Variants in TMEM71 observed in about 807,000 individuals in gnomAD.
TMEM71 encodes transmembrane protein 71.
Under a neutral mutation model 38.0 loss-of-function variants are expected in TMEM71, and 44 were observed. That is an observed-to-expected ratio of 1.16 (90% CI 0.91 to 1.49). TMEM71 has a LOEUF of 1.49. TMEM71 is among the 40% of genes most tolerant of loss of function. The probability of loss-of-function intolerance (pLI) is 0.00; values close to 1 mark genes in which losing one functional copy is unlikely to be tolerated. For missense variants in TMEM71, 367 were observed against 348.6 expected, an observed-to-expected ratio of 1.05 and a Z score of -0.42; for synonymous variants, 133 against 122.5, an observed-to-expected ratio of 1.09 and a Z score of -0.56.
At chr8:132,771,646 CTTTAT>C in the TMEM71 span, among the ~76,000 whole-genome samples, 2 of 151,598 alleles carry the variant, frequency 1.3e-5, no homozygotes, top group East Asian at 1.9e-4. Flanking sequence ...CATCATATTT[CTTTAT>C]TTTATTTGTA....
chr8:132,711,834 T>C (rs953469903), intron 9 of TMEM71, among the ~76,000 whole-genome samples: 1 of 152,098 alleles, frequency 6.6e-6, no homozygotes, highest in African/African-American at 2.4e-5. Context: ...AGGATGGGTG[T>C]GTGTGTTGGG....
chr8:132,760,415 T>C (rs1829264262), intron 1 of TMEM71, 61 bp downstream of exon 1: 1 of 152,236 alleles, frequency 6.6e-6, no homozygotes, highest in Admixed American at 6.5e-5. Context: ...GTTCCTCGGC[T>C]GAAAAATGTC....
At chr8:132,768,634 T>C in the TMEM71 span, among the ~76,000 whole-genome samples, 3 of 152,174 alleles carry the variant, frequency 2.0e-5, no homozygotes. Context: ...CTGGTGAAAC[T>C]GGCTCTGTTG....
In TMEM71 at chr8:132,711,158, C is replaced by T. The variant is rs79735675; in HGVS notation, c.873-176G>A. 1.6e-3 allele frequency among the ~76,000 whole-genome samples: 238 copies of T among 152,228 alleles called. 5 individuals are homozygous for T. The highest frequency in any genetic ancestry group is 0.015 in the East Asian group (76 of 5,168). ...TGCAGCCTCAACTAAGGGTACTTTTCGTTTTTGCTTTTATCCCAGCAGTTC... is the reference window on the plus strand; with the variant it reads ...TGCAGCCTCAACTAAGGGTACTTTTTGTTTTTGCTTTTATCCCAGCAGTTC... On this transcript the variant is annotated intron_variant, in intron 9 of 9. Coordinates refer to ENST00000677595, the MANE Select transcript of TMEM71 (RefSeq NM_001382403.1).
rs573592144 is a variant in TMEM71, at chr8:132,715,269, G to C, written c.753-1054C>G. ...AAAATGCAAAAAAAAAAATAGCCGGGCGTGGTGGCGGGCGCCTGTAGTCCC... is the reference window on the plus strand; with the variant it reads ...AAAATGCAAAAAAAAAAATAGCCGGCCGTGGTGGCGGGCGCCTGTAGTCCC... On this transcript the variant is annotated intron_variant, in intron 7 of 9. Coordinates refer to ENST00000677595, the MANE Select transcript of TMEM71 (RefSeq NM_001382403.1). Among the ~76,000 whole-genome samples the C allele has an allele frequency of 2.1e-3, 316 of 151,708 alleles. 6 individuals are homozygous for C. In the South Asian group the frequency reaches 0.025, roughly 12 times the overall value.
At chr8:132,711,119 A>G in intron 9 of TMEM71, 137 bp from the exon 10 acceptor site, 3 of 768,076 alleles carry the variant, frequency 3.9e-6, no homozygotes, top group Non-Finnish European at 6.4e-6. Context: ...CTGAATTATC[A>G]CAACTAGGAA....
chr8:132,752,271 G>A (rs1315739452), intron 3 of TMEM71, among the ~76,000 whole-genome samples: 4 of 152,140 alleles, frequency 2.6e-5, no homozygotes, highest in African/African-American at 4.8e-5. Flanking sequence ...GTTAACCTAC[G>A]TTTGATGTTA....
At position 132,730,914 on chromosome 8, in the gene TMEM71, T is replaced by C. The variant is rs190079350; in HGVS notation, c.488-2928A>G. 4.5e-3 allele frequency among the ~76,000 whole-genome samples: 691 copies of C among 152,202 alleles called. 5 individuals carry two copies. The highest frequency in any genetic ancestry group is 6.9e-3 in the Non-Finnish European group (468 of 68,010). ...ATGTGTGTGTTTGTGTGTGTGTGCATGTACACATGAGTCAACAGTGGGAGG... is the reference window on the plus strand; with the variant it reads ...ATGTGTGTGTTTGTGTGTGTGTGCACGTACACATGAGTCAACAGTGGGAGG... On this transcript the variant is annotated intron_variant, in intron 5 of 9. Transcript: ENST00000677595.
chr8:132,708,280 C>A (rs1826123723), downstream of TMEM71, among the ~76,000 whole-genome samples: 1 of 152,282 alleles, frequency 6.6e-6, no homozygotes, highest in Middle Eastern at 3.4e-3. Context: ...GTCCTGTGCA[C>A]CTCTGTCACA....
chr8:132,711,076 A>G, intron 9 of TMEM71, 94 bp from the exon 10 acceptor site: 1 of 1,180,416 alleles, frequency 8.5e-7, no homozygotes, highest in Non-Finnish European at 1.2e-6. Context: ...GCGCATATAT[A>G]AGCACACACC....
chr8:132,723,209 A>G (rs755729736), intron 6 of TMEM71, among the ~76,000 whole-genome samples: 4 of 152,210 alleles, frequency 2.6e-5, no homozygotes, highest in Non-Finnish European at 5.9e-5. Flanking sequence ...TACATTGTGA[A>G]TTCAGTTATT....
chr8:132,709,329 T>C (rs1826139199), downstream of TMEM71, among the ~76,000 whole-genome samples: 1 of 152,180 alleles, frequency 6.6e-6, no homozygotes, highest in Non-Finnish European at 1.5e-5. Flanking sequence ...CTTGTAAAAA[T>C]GGCAAAGGCA....
the TMEM71 span, chr8:132,775,346 A>C: frequency 2.8e-6 from 1 of 352,028 alleles, no homozygotes; most frequent in Non-Finnish European, 5.1e-6. Flanking sequence ...CGCTTCCGGC[A>C]CGTCGCGGGC....
chr8:132,713,906 G>C (rs758631491), intron 9 of TMEM71, 89 bp downstream of exon 9: 234 of 1,259,254 alleles, frequency 1.9e-4, no homozygotes, highest in Non-Finnish European at 2.4e-4. Flanking sequence ...TCCTGTCATT[G>C]CCATCTACTA....
In TMEM71 at chr8:132,710,465, G is replaced by A. The variant is rs1251198463; in HGVS notation, c.*502C>T. Reference sequence around the variant, plus strand: ...CCACTGAGGTGAATGACAAACTTTTGCAGCATTATATTTTATGTACAAATT... The same window carrying A: ...CCACTGAGGTGAATGACAAACTTTTACAGCATTATATTTTATGTACAAATT... On this transcript the variant is annotated 3_prime_UTR_variant, in exon 10 of 10. Coordinates refer to ENST00000677595, the MANE Select transcript of TMEM71 (RefSeq NM_001382403.1). 1 of 177,892 alleles carries A rather than the reference G, an allele frequency of 5.6e-6. No homozygotes were observed. Among genetic ancestry groups the A allele is most frequent in the Non-Finnish European group, 1.2e-5 (1 of 86,058 alleles). 11.0% of individuals were successfully genotyped at this position (177,892 alleles called of 1,614,324 possible).
At chr8:132,762,606 A>G (rs1829317702), upstream of TMEM71, among the ~76,000 whole-genome samples, 1 of 152,142 alleles carries the variant, frequency 6.6e-6, no homozygotes, top group Admixed American at 6.5e-5. Flanking sequence ...ATATCAACAC[A>G]TTAATTGTTA....
At chr8:132,757,053 AT>A (rs11345876) in intron 3 of TMEM71, among the ~76,000 whole-genome samples, 180 bp downstream of exon 3, 37,543 of 143,214 alleles carry the variant, frequency 0.26, 6,673 homozygotes, top group African/African-American at 0.51. Flanking sequence ...CGCAGCGCTG[AT>A]TTTTTTTTTT....
At chr8:132,715,306 A>G (rs1388408216) in intron 7 of TMEM71, among the ~76,000 whole-genome samples, 1 of 148,682 alleles carries the variant, frequency 6.7e-6, no homozygotes, top group Non-Finnish European at 1.5e-5. Context: ...GCTACTTGGA[A>G]GGCTGAGGCA....
At position 132,751,950 on chromosome 8, in the gene TMEM71, G is replaced by C; in HGVS notation, c.149C>G (p.Ser50Cys). The change falls in exon 4 of 10, where the codon TCC (serine) becomes TGC (cysteine). Residue 50 changes from serine (S) to cysteine (C), a missense_variant. Coordinates refer to ENST00000677595, the MANE Select transcript of TMEM71 (RefSeq NM_001382403.1). ...LDGYHSFECG[S>C]IDPLTGSHYT... ...GTGGGAGCCTGTCAGGGGATCTATG[G>C]AGCCGCATTCAAAAGAATGGTAACC... 1 of 1,614,072 alleles carries C rather than the reference G, an allele frequency of 6.2e-7. No individual in the cohort carries two copies. The highest frequency in any genetic ancestry group is 1.1e-5 in the South Asian group (1 of 91,074).
Sources: gnomAD v4.1 joint callset for allele counts (sites outside exome capture counted in the v4.1 genomes callset) on GRCh38, gnomAD v4.1.1 for gene constraint, MANE v1.5 for transcripts, NCBI Gene and HGNC (gene_info 2026-07-23, HGNC 2026-07-21) for gene names.